Variants in C16orf92 observed in about 807,000 individuals in gnomAD.
C16orf92 encodes the protein fertilization-influencing membrane protein.
C16orf92 carries 14 observed loss-of-function variants against 13.7 expected under a neutral mutation model. The ratio of observed to expected loss-of-function variants is 1.02; its 90% CI spans 0.67 to 1.60. The LOEUF (loss-of-function observed/expected upper bound fraction) is 1.60, where lower values mean the gene tolerates loss of function less well. Ranked by LOEUF, C16orf92 falls within the 40% of genes most tolerant of loss-of-function variation. The pLI is 0.00. For synonymous variants in C16orf92, 50 were observed against 57.4 expected (o/e 0.87, Z 0.58); for missense variants, 116 against 139.0 (o/e 0.83, Z 0.83).
chr16:30,026,728 C>T (rs370399407), downstream of C16orf92: 32 of 1,613,980 alleles, frequency 2.0e-5, no homozygotes, highest in Middle Eastern at 3.3e-4. Flanking sequence ...GCCGCTCCGT[C>T]GTCCCCTCCA....
chr16:30,026,641 C>T (rs754599938), downstream of C16orf92: 11 of 1,613,626 alleles, frequency 6.8e-6, no homozygotes, highest in African/African-American at 2.7e-5. Flanking sequence ...AGCACCATGG[C>T]GGCATGGTGG....
At chr16:30,026,629 C>T, downstream of C16orf92, 1 of 1,613,678 alleles carries the variant, frequency 6.2e-7, no homozygotes, top group Non-Finnish European at 8.5e-7. Flanking sequence ...GGGAAGCACA[C>T]CAGCACCATG....
chr16:30,025,780 C>T (rs778313710), downstream of C16orf92: 3 of 1,614,164 alleles, frequency 1.9e-6, no homozygotes, highest in South Asian at 2.2e-5. This position sits in a 1 kb window ranked among gnomAD's most constrained non-coding sequence, Gnocchi z 4.1. Context: ...CTGCCATCAA[C>T]ATGCAACCCA....
rs563215203 is a variant in C16orf92 at position 30,023,227 on chromosome 16, G to A, written c.-114G>A. 5 of 879,738 alleles carry A rather than the reference G, an allele frequency of 5.7e-6. No homozygotes were observed. The African/African-American group carries it at 6.7e-5, about 12-fold the overall frequency. The allele number at this position is 879,738 out of a possible 1,614,324, so 54.5% of individuals were successfully genotyped here. A position where few individuals can be genotyped will look rare whatever the true frequency, so the allele number is the denominator to read the frequency against. ...CTTCTCCTCTCCTCTTCTGATGAGA[G>A]TGAGGGATGGGGGAGGGGTCCCAGC... On this transcript the variant is annotated 5_prime_UTR_variant, in exon 1 of 4. The change creates a new upstream start codon in the 5' untranslated region. Transcript: ENST00000681219.
chr16:30,025,317 G>A, downstream of C16orf92: 1 of 1,568,916 alleles, frequency 6.4e-7, no homozygotes, highest in Non-Finnish European at 8.6e-7. The surrounding 1 kb of genome is among the most constrained non-coding windows in gnomAD (Gnocchi z 4.1). Context: ...ACGTGGGCAG[G>A]GATGGCCAGG....
chr16:30,027,675 G>A (rs1161808088), downstream of C16orf92: 2 of 455,392 alleles, frequency 4.4e-6, no homozygotes, highest in Non-Finnish European at 8.8e-6. Context: ...TGTACTTGGA[G>A]AGTAAACAAA....
At chr16:30,026,900 G>A (rs2071167946), downstream of C16orf92, 4 of 1,468,816 alleles carry the variant, frequency 2.7e-6, no homozygotes, top group Middle Eastern at 3.5e-4. Flanking sequence ...ACCAGTGATT[G>A]GGGTCAGATC....
At chr16:30,026,593 G>A (rs1320074932), downstream of C16orf92, 7 of 1,530,184 alleles carry the variant, frequency 4.6e-6, no homozygotes, top group East Asian at 2.3e-5. Context: ...CGCCCGCCCA[G>A]CTCCCCGGGA....
At chr16:30,025,141 C>T (rs781681507), downstream of C16orf92, 63 of 1,294,406 alleles carry the variant, frequency 4.9e-5, no homozygotes, top group Admixed American at 1.2e-4. The surrounding 1 kb of genome is among the most constrained non-coding windows in gnomAD (Gnocchi z 4.1). Context: ...CCTGTCTCCA[C>T]GGGGGTGGGG....
Position 30,024,342 on chromosome 16 carries a change from G to C in C16orf92, c.*115G>C. The C allele has an allele frequency of 7.3e-7, 1 of 1,367,906 alleles. No individual in the cohort carries two copies. The highest frequency in any genetic ancestry group is 2.4e-5 in the East Asian group (1 of 41,176). 84.7% of individuals were successfully genotyped at this position (1,367,906 alleles called of 1,614,324 possible). On this transcript the variant is annotated 3_prime_UTR_variant, in exon 4 of 4. Transcript: ENST00000681219. ...CCTGACTGCCCAGCGAGCAGCTGGGGATCCTGTCCCCTCTGTTTCCCATGG... is the reference window on the plus strand; with the variant it reads ...CCTGACTGCCCAGCGAGCAGCTGGGCATCCTGTCCCCTCTGTTTCCCATGG...
intron 1 of C16orf92, 157 bp downstream of exon 1, chr16:30,023,561 C>G (rs1001399239): frequency 1.4e-6 from 2 of 1,432,906 alleles, no homozygotes; most frequent in East Asian, 4.7e-5. Flanking sequence ...CCAACAACCG[C>G]GAGCCTTGTC....
chr16:30,024,539 GGCCCGAGGGCGCGATGTGCAGCC>G lies in C16orf92; in HGVS notation c.*314_*336del, dbSNP rs2071005385. 2.3e-6 allele frequency: 1 copy of G among 435,356 alleles called. No homozygotes were observed. The highest frequency in any genetic ancestry group is 2.0e-5 in the African/African-American group (1 of 50,440). 27.0% of individuals were successfully genotyped at this position (435,356 alleles called of 1,614,324 possible). A position where few individuals can be genotyped will look rare whatever the true frequency, so the allele number is the denominator to read the frequency against. On this transcript the variant is annotated 3_prime_UTR_variant, in exon 4 of 4. Coordinates refer to ENST00000681219, the MANE Select transcript of C16orf92 (RefSeq NM_001109659.2). The stretch of plus-strand genomic sequence containing the variant: ...GTCAGTAGCACCAGGGACATGGCAG[GGCCCGAGGGCGCGATGTGCAGCC>G]GATGGTGAGGGACTGGGCGCCCTCG...
chr16:30,023,325 C>G lies in C16orf92; in HGVS notation c.-16C>G. 1 of 1,591,736 alleles carries G rather than the reference C, an allele frequency of 6.3e-7. No homozygotes were observed. Among genetic ancestry groups the G allele is most frequent in the Non-Finnish European group, 8.6e-7 (1 of 1,169,140 alleles). On this transcript the variant is annotated 5_prime_UTR_variant, in exon 1 of 4. Transcript: ENST00000681219. ...GGGCTGTGACATCACAGAGCCCCCACCTCATGATAGGAGTCATGAGGCTGT... is the reference window on the plus strand; with the variant it reads ...GGGCTGTGACATCACAGAGCCCCCAGCTCATGATAGGAGTCATGAGGCTGT...
At chr16:30,023,622 G>A (rs771586701) in intron 1 of C16orf92, 105 bp from the exon 2 acceptor site, 2 of 1,585,684 alleles carry the variant, frequency 1.3e-6, no homozygotes, top group Non-Finnish European at 1.7e-6. Context: ...CACAGCCTCT[G>A]CAATAAGGCT....
downstream of C16orf92, chr16:30,027,167 C>A (rs1026196527): frequency 4.1e-6 from 2 of 487,266 alleles, no homozygotes; most frequent in Non-Finnish European, 8.1e-6. Flanking sequence ...AAGCCCAGGA[C>A]AGGCAGGTGG....
At chr16:30,025,930 A>G, downstream of C16orf92, 1 of 811,926 alleles carries the variant, frequency 1.2e-6, no homozygotes, top group Non-Finnish European at 2.0e-6. The surrounding 1 kb of genome is among the most constrained non-coding windows in gnomAD (Gnocchi z 4.1). Context: ...TTGACTCTGA[A>G]CATCAGAACA....
At chr16:30,023,655 G>A in intron 1 of C16orf92, 72 bp from the exon 2 acceptor site, 1 of 1,613,630 alleles carries the variant, frequency 6.2e-7, no homozygotes, top group Non-Finnish European at 8.5e-7. Flanking sequence ...AGGGTCCCAA[G>A]TCAGCTTCCG....
In C16orf92 at chr16:30,024,412, T is replaced by A; in HGVS notation, c.*185T>A. On this transcript the variant is annotated 3_prime_UTR_variant, in exon 4 of 4. Coordinates refer to ENST00000681219, the MANE Select transcript of C16orf92 (RefSeq NM_001109659.2). ...CCCTTCCCAGCCCCAAAGAACTTGG[T>A]GGCAAGGGCCTTGGTGGCGTTCACG... The A allele has an allele frequency of 2.4e-6, 2 of 816,678 alleles. No homozygotes were observed. The highest frequency in any genetic ancestry group is 3.8e-6 in the Non-Finnish European group (2 of 531,238). The allele number at this position is 816,678 out of a possible 1,614,324, so 50.6% of individuals were successfully genotyped here.
At position 30,023,201 on chromosome 16, in the gene C16orf92, T is replaced by TC. The variant is rs2070939686; in HGVS notation, c.-139dup. The TC allele has an allele frequency of 5.8e-6, 4 of 691,052 alleles. No homozygotes were observed. Among genetic ancestry groups the TC allele is most frequent in the Admixed American group, 2.5e-5 (1 of 40,064 alleles). The allele number at this position is 691,052 out of a possible 1,614,324, so 42.8% of individuals were successfully genotyped here. A position where few individuals can be genotyped will look rare whatever the true frequency, so the allele number is the denominator to read the frequency against. ...GGGGGTGAAGACTGGTCCCAACCTCTCTTCTCCTCTCCTCTTCTGATGAGA... is the reference window on the plus strand; with the variant it reads ...GGGGGTGAAGACTGGTCCCAACCTCTCCTTCTCCTCTCCTCTTCTGATGAGA... On this transcript the variant is annotated 5_prime_UTR_variant, in exon 1 of 4. Coordinates refer to ENST00000681219, the MANE Select transcript of C16orf92 (RefSeq NM_001109659.2).
Sources: allele counts gnomAD v4.1 joint callset, GRCh38; gene constraint gnomAD v4.1.1; non-coding constraint Gnocchi (gnomAD v3.1); transcripts MANE v1.5; gene names NCBI Gene and HGNC (gene_info 2026-07-23, HGNC 2026-07-21).